Variants in AKAP11 observed in about 807,000 individuals in gnomAD.
The protein encoded by AKAP11 is A-kinase anchor protein 11.
A neutral mutation model predicts 146.1 loss-of-function variants in AKAP11; 36 were observed. That is an observed-to-expected ratio of 0.25 (90% confidence interval 0.19 to 0.33). AKAP11 has a LOEUF of 0.33. AKAP11 is among the 10% of genes least tolerant of loss of function. AKAP11 has a pLI of 1.00. For synonymous variants in AKAP11, 780 were observed against 786.5 expected, an observed-to-expected ratio of 0.99 and a Z score of 0.14; for missense variants, 2,201 against 2,197.0, an observed-to-expected ratio of 1.00 and a Z score of -0.04.
intron 9 of AKAP11, among the ~76,000 whole-genome samples, chr13:42,312,118 C>G (rs764145819): frequency 4.1e-4 from 62 of 152,206 alleles, no homozygotes; most frequent in Non-Finnish European, 8.2e-4. Context: ...TTATAATTGC[C>G]TAGCATAATA....
chr13:42,277,624 A>T (rs934820429), intron 1 of AKAP11, among the ~76,000 whole-genome samples: 1 of 152,260 alleles, frequency 6.6e-6, no homozygotes, highest in Non-Finnish European at 1.5e-5. Context: ...GTAAAAAGTC[A>T]TTAGGTAAGT....
chr13:42,299,547 A>G lies in AKAP11; in HGVS notation c.801A>G (p.Ser267=), dbSNP rs1304517122. ...AAGAACTACCTTCTGTGAAAACTTCAGTCACAACATCAATTTCAGAGCCTT... is the reference window on the plus strand; with the variant it reads ...AAGAACTACCTTCTGTGAAAACTTCGGTCACAACATCAATTTCAGAGCCTT... The part of the protein sequence containing the change: ...GHKELPSVKT[S]VTTSISEPWT... Residue 267 remains serine (S), a synonymous_variant, in exon 8 of 13, where the codon TCA becomes TCG. Transcript: ENST00000025301. 1 of 1,614,006 alleles carries G rather than the reference A, an allele frequency of 6.2e-7. No individual in the cohort carries two copies. The highest frequency in any genetic ancestry group is 8.5e-7 in the Non-Finnish European group (1 of 1,179,890).
At chr13:42,281,129 G>A (rs1959049535) in intron 1 of AKAP11, among the ~76,000 whole-genome samples, 1 of 152,096 alleles carries the variant, frequency 6.6e-6, no homozygotes, top group African/African-American at 2.4e-5. Context: ...TAAAACCAGA[G>A]GTAAGGATAA....
At chr13:42,285,329 C>T (rs1959147711) in intron 1 of AKAP11, among the ~76,000 whole-genome samples, 1 of 152,130 alleles carries the variant, frequency 6.6e-6, no homozygotes, top group African/African-American at 2.4e-5. Context: ...CAGGCATGCA[C>T]CACTGTGCCT....
intron 3 of AKAP11, among the ~76,000 whole-genome samples, chr13:42,289,342 A>G (rs778550445): frequency 1.1e-4 from 16 of 152,206 alleles, no homozygotes; most frequent in Non-Finnish European, 1.9e-4. Context: ...ACAGGGCATC[A>G]TAGTTAACAC....
chr13:42,307,359 A>G (rs895010562), intron 8 of AKAP11, among the ~76,000 whole-genome samples: 3 of 152,140 alleles, frequency 2.0e-5, no homozygotes, highest in African/African-American at 4.8e-5. Context: ...GAATAAGACA[A>G]TAGGTAAGTA....
chr13:42,295,831 T>C lies in AKAP11; in HGVS notation c.216+89T>C, dbSNP rs534632168. 9.8e-6 allele frequency: 12 copies of C among 1,229,748 alleles called. No individual in the cohort carries two copies. In the African/African-American group the frequency reaches 1.1e-4, roughly 11 times the overall value. The allele number at this position is 1,229,748 out of a possible 1,614,324, so 76.2% of individuals were successfully genotyped here. ...CACAAAAGTCATTTATCTGAGAAGG[T>C]TGCAAACCGCAGACTGACTTTTTCT... On this transcript the variant is annotated intron_variant, in intron 5 of 12. Coordinates refer to ENST00000025301, the MANE Select transcript of AKAP11 (RefSeq NM_016248.4).
chr13:42,318,421 T>A (rs2138726174), intron 12 of AKAP11, among the ~76,000 whole-genome samples: 1 of 152,318 alleles, frequency 6.6e-6, no homozygotes, highest in South Asian at 2.1e-4. Context: ...CATATATATG[T>A]TACACAAAAT....
intron 2 of AKAP11, 122 bp from the exon 3 acceptor site, chr13:42,286,178 T>C (rs1398419827): frequency 1.2e-5 from 5 of 428,032 alleles, no homozygotes; most frequent in Middle Eastern, 6.2e-4. Context: ...GTGCTCAGAT[T>C]ATTTTTGTTT....
rs1555295201 is a variant in AKAP11, at chr13:42,319,906, G to GTGTGT, written c.*678_*679insTGTGT. 1 of 132,662 alleles carries GTGTGT rather than the reference G, an allele frequency of 7.5e-6. No homozygotes were observed. Among genetic ancestry groups the GTGTGT allele is most frequent in the South Asian group, 2.7e-4 (1 of 3,740 alleles). 8.2% of individuals were successfully genotyped at this position (132,662 alleles called of 1,614,324 possible). ...TGCTGCCAGTCATTCTGGCATGAAAGGTGTGTGTGTGTGTGTGTGTGTGTG... is the reference window on the plus strand; with the variant it reads ...TGCTGCCAGTCATTCTGGCATGAAAGTGTGTGTGTGTGTGTGTGTGTGTGTGTGTG... On this transcript the variant is annotated 3_prime_UTR_variant, in exon 13 of 13. Transcript: ENST00000025301.
At chr13:42,315,355 T>C (rs1960768903) in intron 11 of AKAP11, among the ~76,000 whole-genome samples, 1 of 152,204 alleles carries the variant, frequency 6.6e-6, no homozygotes, top group African/African-American at 2.4e-5. Flanking sequence ...ATATTTTTAG[T>C]GTTATTGATA....
rs1190867028 is a variant in AKAP11, at chr13:42,302,501, A to T, written c.3755A>T (p.Asn1252Ile). 1 of 1,614,146 alleles carries T rather than the reference A, an allele frequency of 6.2e-7. No homozygotes were observed. ...SPTFLNPSDE[N>I]LKTLCNFAGD... ...ACTTTTTTAAACCCCTCAGACGAAA[A>T]TTTGAAAACATTATGCAATTTTGCG... The change falls in exon 8 of 13, where the codon AAT becomes ATT. Residue 1252 changes from asparagine (N) to isoleucine (I), a missense_variant. Coordinates refer to ENST00000025301, the MANE Select transcript of AKAP11 (RefSeq NM_016248.4).
At chr13:42,285,601 G>A (rs78560487) in intron 1 of AKAP11, among the ~76,000 whole-genome samples, 1 of 152,166 alleles carries the variant, frequency 6.6e-6, no homozygotes, top group Non-Finnish European at 1.5e-5. Flanking sequence ...TGCAGATACC[G>A]AGTGGTTAAT....
chr13:42,310,218 C>T (rs765292375), intron 9 of AKAP11, among the ~76,000 whole-genome samples: 1 of 152,134 alleles, frequency 6.6e-6, no homozygotes, highest in Non-Finnish European at 1.5e-5. Context: ...CAGAAAAAGA[C>T]CTGTGTTTCC....
At chr13:42,291,546 C>A (rs1959215428) in intron 3 of AKAP11, among the ~76,000 whole-genome samples, 1 of 152,092 alleles carries the variant, frequency 6.6e-6, no homozygotes, top group Non-Finnish European at 1.5e-5. Context: ...TGTGCCCAGC[C>A]AATAATTATA....
chr13:42,290,018 G>A (rs577532011), intron 3 of AKAP11, among the ~76,000 whole-genome samples: 2 of 152,118 alleles, frequency 1.3e-5, no homozygotes, highest in Non-Finnish European at 2.9e-5. Context: ...ACATCATCTA[G>A]CATGCATTCC....
chr13:42,290,476 T>C (rs979039988), intron 3 of AKAP11, among the ~76,000 whole-genome samples: 1 of 152,218 alleles, frequency 6.6e-6, no homozygotes, highest in Admixed American at 6.5e-5. Flanking sequence ...ATGAGTGTCC[T>C]TTTCCCCAGC....
Position 42,317,481 on chromosome 13 carries a change from G to A in AKAP11, c.5405-47G>A, listed in dbSNP as rs1032542547. On this transcript the variant is annotated intron_variant, in intron 11 of 12. Coordinates refer to ENST00000025301, the MANE Select transcript of AKAP11 (RefSeq NM_016248.4). Reference sequence around the variant, plus strand: ...CTACTTGACAACCAGAGTATTGAGAGTTAAATTGATGAGTTTTACTTTATA... The same window carrying A: ...CTACTTGACAACCAGAGTATTGAGAATTAAATTGATGAGTTTTACTTTATA... 1.2e-5 allele frequency: 19 copies of A among 1,552,880 alleles called. No homozygotes were observed. The Admixed American group carries it at 3.4e-4, about 28-fold the overall frequency.
chr13:42,285,882 G>A (rs553309968), intron 1 of AKAP11, 104 bp from the exon 2 acceptor site: 42 of 152,336 alleles, frequency 2.8e-4, no homozygotes, highest in African/African-American at 8.9e-4. Context: ...TGTTGCCATA[G>A]AGATAAGAGT....
Sources: gnomAD v4.1 joint callset for allele counts (sites outside exome capture counted in the v4.1 genomes callset) on GRCh38, gnomAD v4.1.1 for gene constraint, MANE v1.5 for transcripts, NCBI Gene and HGNC (gene_info 2026-07-23, HGNC 2026-07-21) for gene names.